TSC2: variants seen among roughly 807,000 people sequenced by gnomAD.
The protein encoded by TSC2 is tuberin.
TSC2 carries 29 observed loss-of-function variants against 202.2 expected under a neutral mutation model. The ratio of observed to expected loss-of-function variants is 0.14; its 90% CI spans 0.11 to 0.20. TSC2 has a LOEUF of 0.20. TSC2 is among the 10% of genes least tolerant of loss of function. The pLI, the probability that TSC2 is intolerant of heterozygous loss-of-function variation, is 1.00. For missense variants in TSC2, 2,429 were observed against 2,420.0 expected, an observed-to-expected ratio of 1.00 and a Z score of -0.08; for synonymous variants, 1,349 against 1,044.0, an observed-to-expected ratio of 1.29 and a Z score of -5.63.
Position 2,084,773 on chromosome 16 carries a change from C to G in TSC2, c.4493+58C>G, listed in dbSNP as rs947042734. On this transcript the variant is annotated intron_variant, in intron 34 of 41. Coordinates refer to ENST00000219476, the MANE Select transcript of TSC2 (RefSeq NM_000548.5). Reference sequence around the variant, plus strand: ...CACCTCTCCTGCGGGAACCTGGTGCCTCACTTGCCCCAGGCCGAGCGGGCT... The same window carrying G: ...CACCTCTCCTGCGGGAACCTGGTGCGTCACTTGCCCCAGGCCGAGCGGGCT... The G allele has an allele frequency of 1.9e-6, 3 of 1,598,412 alleles. No homozygotes were observed. The African/African-American group carries it at 4.0e-5, about 21-fold the overall frequency.
rs147206318 is a variant in TSC2 at position 2,048,626 on chromosome 16, C to T, written c.11C>T (p.Pro4Leu). Reference protein sequence around the residue: MAKPTSKDSGLKEK... With the variant: MAKLTSKDSGLKEK... Reference sequence around the variant, plus strand: ...GCGTCCTGGTCCACCATGGCCAAACCAACAAGCAAAGATTCAGGCTTGAAG... The same window carrying T: ...GCGTCCTGGTCCACCATGGCCAAACTAACAAGCAAAGATTCAGGCTTGAAG... The change falls in exon 2 of 42, where the codon CCA becomes CTA. Residue 4 changes from proline to leucine, a missense_variant. Coordinates refer to ENST00000219476, the MANE Select transcript of TSC2 (RefSeq NM_000548.5). The T allele has an allele frequency of 3.7e-6, 6 of 1,613,750 alleles. No individual in the cohort carries two copies. Among genetic ancestry groups the T allele is most frequent in the Non-Finnish European group, 5.1e-6 (6 of 1,180,046 alleles).
At chr16:2,073,371 G>A (rs1256533709) in intron 21 of TSC2, among the ~76,000 whole-genome samples, 1 of 152,234 alleles carries the variant, frequency 6.6e-6, no homozygotes, top group African/African-American at 2.4e-5. Flanking sequence ...GCCCCATCAG[G>A]TGCCGGAAAC....
chr16:2,056,297 G>A, intron 7 of TSC2, 53 bp downstream of exon 7: 2 of 1,611,132 alleles, frequency 1.2e-6, no homozygotes, highest in African/African-American at 1.3e-5. Flanking sequence ...TTTCTGGGAG[G>A]CTGGGGCTTG....
rs2089978360 is a variant in TSC2 at position 2,080,345 on chromosome 16, G to T, written c.3578G>T (p.Gly1193Val). Residue 1193 changes from glycine to valine, a missense_variant, in exon 30 of 42, where the codon GGC becomes GTC. Physicochemically the swap from Gly to Val is moderately radical, Grantham distance 109. Transcript: ENST00000219476. The stretch of plus-strand genomic sequence containing the variant: ...GCCTATGTGCCCCTGCTGACCCAGG[G>T]CTGGGCGGAGATCCTGGTCCGGAGG... ...LAAYVPLLTQ[G>V]WAEILVRRPT... 6.2e-7 allele frequency: 1 copy of T among 1,612,442 alleles called. No homozygotes were observed. The highest frequency in any genetic ancestry group is 1.3e-5 in the African/African-American group (1 of 75,048).
In TSC2 at chr16:2,079,072, G is replaced by A. The variant is rs1555510234; in HGVS notation, c.3007G>A (p.Ala1003Thr). 4.3e-6 allele frequency: 7 copies of A among 1,612,998 alleles called. No individual in the cohort carries two copies. Among genetic ancestry groups the A allele is most frequent in the Non-Finnish European group, 5.9e-6 (7 of 1,180,022 alleles). The change falls in exon 27 of 42, where the codon GCA becomes ACA. Residue 1003 changes from alanine to threonine, a missense_variant. Ala to Thr is a moderately conservative substitution (Grantham distance 58). Coordinates refer to ENST00000219476, the MANE Select transcript of TSC2 (RefSeq NM_000548.5). The surrounding 1 kb of genome is among the most constrained non-coding windows in gnomAD (Gnocchi z 4.6). ...CCTCACCAGTGCCAGCTTGGGGTCT[G>A]CAGATGAGAACTCCGTGGCCCAGGC... ...TSLTSASLGS[A>T]DENSVAQADD...
rs374002744 is a variant in TSC2 at position 2,071,425 on chromosome 16, G to A, written c.1840-85G>A. 517 of 1,414,620 alleles carry A rather than the reference G, an allele frequency of 3.7e-4. 1 individual carries two copies. The African/African-American group carries it at 6.6e-3, about 18-fold the overall frequency. 87.6% of individuals were successfully genotyped at this position (1,414,620 alleles called of 1,614,324 possible). A position where few individuals can be genotyped will look rare whatever the true frequency, so the allele number is the denominator to read the frequency against. On this transcript the variant is annotated intron_variant, in intron 17 of 41. Transcript: ENST00000219476. ...GCCTTTTCTGAGTGCCTGTGGTGCT[G>A]GACGTGGGTCTGAGCAGGTGGGACG...
At position 2,071,635 on chromosome 16, in the gene TSC2, A is replaced by G. The variant is rs1442266522; in HGVS notation, c.1946+19A>G. 1 of 1,612,738 alleles carries G rather than the reference A, an allele frequency of 6.2e-7. No homozygotes were observed. Among genetic ancestry groups the G allele is most frequent in the African/African-American group, 1.3e-5 (1 of 74,922 alleles). ...ACTACATGTACGCGGGACCTCGCCC[A>G]CGGCCCATGAGGCTCAGGGCGTCAG... On this transcript the variant is annotated intron_variant, in intron 18 of 41. Coordinates refer to ENST00000219476, the MANE Select transcript of TSC2 (RefSeq NM_000548.5).
chr16:2,085,899 C>T (rs895392697), intron 36 of TSC2, among the ~76,000 whole-genome samples: 2 of 152,092 alleles, frequency 1.3e-5, no homozygotes, highest in Admixed American at 1.3e-4. Context: ...TGATGGTTCC[C>T]GTGGGAGTGG....
At chr16:2,055,601 A>T in intron 6 of TSC2, 82 bp downstream of exon 6, 1 of 1,366,150 alleles carries the variant, frequency 7.3e-7, no homozygotes, top group South Asian at 1.2e-5. Flanking sequence ...CACCAAAAAA[A>T]TAGAGGTTGG....
At chr16:2,083,478 CG>C in intron 32 of TSC2, 1 of 767,278 alleles carries the variant, frequency 1.3e-6, no homozygotes, top group South Asian at 1.6e-5. Flanking sequence ...GCCCAACCCC[CG>C]GGCACTCATG....
rs1333170814 is a variant in TSC2 at position 2,079,882 on chromosome 16, G to A, written c.3397+213G>A. Among the ~76,000 whole-genome samples the A allele has an allele frequency of 6.6e-6, 1 of 152,214 alleles. No homozygotes were observed. The highest frequency in any genetic ancestry group is 2.4e-5 in the African/African-American group (1 of 41,456). On this transcript the variant is annotated intron_variant, in intron 29 of 41. Coordinates refer to ENST00000219476, the MANE Select transcript of TSC2 (RefSeq NM_000548.5). The surrounding 1 kb of genome is among the most constrained non-coding windows in gnomAD (Gnocchi z 4.6). ...GCTTGCTGCAGAGGGGCCTGCTCTG[G>A]GTGCTGGTGTTTCCTGCGGGTTTTC...
In TSC2 at chr16:2,088,614, C is replaced by G. The variant is rs368282661; in HGVS notation, c.*4C>G. ...GGACTTCACCGAGTTTGTGTGAGGC[C>G]GGGGCCCTCCCTCCTGCACTGGCCT... On this transcript the variant is annotated 3_prime_UTR_variant, in exon 42 of 42. Transcript: ENST00000219476. The G allele has an allele frequency of 1.2e-6, 2 of 1,600,326 alleles. No homozygotes were observed. Among genetic ancestry groups the G allele is most frequent in the South Asian group, 1.1e-5 (1 of 90,826 alleles).
At chr16:2,058,478 T>C (rs1210535377) in intron 9 of TSC2, among the ~76,000 whole-genome samples, 1 of 152,270 alleles carries the variant, frequency 6.6e-6, no homozygotes, top group African/African-American at 2.4e-5. Context: ...TGCGAGGCTG[T>C]GGGCCATCCC....
intron 4 of TSC2, 119 bp from the exon 5 acceptor site, chr16:2,054,177 C>T (rs1482266001): frequency 6.6e-7 from 1 of 1,525,820 alleles, no homozygotes; most frequent in South Asian, 1.1e-5. Flanking sequence ...CAGGGCGCCT[C>T]TGTGGGAAGG....
At chr16:2,077,257 G>A (rs551705839) in intron 25 of TSC2, 22 of 370,684 alleles carry the variant, frequency 5.9e-5, no homozygotes, top group African/African-American at 2.1e-4. Context: ...CCTGCCTTCC[G>A]CGGGTGGGTG....
At chr16:2,056,503 C>T in intron 7 of TSC2, 141 bp from the exon 8 acceptor site, 2 of 1,329,762 alleles carry the variant, frequency 1.5e-6, no homozygotes, top group East Asian at 2.5e-5. Context: ...CCCGCTTGCC[C>T]TGTGGCTTGG....
rs35501344 is a variant in TSC2, at chr16:2,056,664, C to T, written c.669C>T (p.Asp223=). Residue 223 remains aspartate (D), a synonymous_variant, in exon 8 of 42, where the codon GAC becomes GAT. Transcript: ENST00000219476. ...ACCAGGTCTCCCTGCAGGTGCTGGA[C>T]GCCGTGGTCTGCTACAACTGCCTGC... ...VDIEVSLQVL[D]AVVCYNCLPA... 2.4e-5 allele frequency: 39 copies of T among 1,611,636 alleles called. 1 individual carries two copies. The highest frequency in any genetic ancestry group is 1.2e-4 in the South Asian group (11 of 91,088).
chr16:2,084,632 C>T lies in TSC2; in HGVS notation c.4410C>T (p.Arg1470=), dbSNP rs539032553. The T allele has an allele frequency of 6.9e-6, 11 of 1,600,510 alleles. No individual in the cohort carries two copies. The African/African-American group carries it at 9.3e-5, about 14-fold the overall frequency. Residue 1470 remains arginine, a synonymous_variant, in exon 34 of 42, where the codon CGC becomes CGT. Coordinates refer to ENST00000219476, the MANE Select transcript of TSC2 (RefSeq NM_000548.5). ...CCATCTCCGACTCGGCCCCATCACGCAGGGGCAAGAGAGTAGAGAGGGACG... is the reference window on the plus strand; with the variant it reads ...CCATCTCCGACTCGGCCCCATCACGTAGGGGCAAGAGAGTAGAGAGGGACG... The part of the protein sequence containing the change: ...GYTISDSAPS[R]RGKRVERDAL...
chr16:2,069,351 C>G (rs1163452113), intron 16 of TSC2, among the ~76,000 whole-genome samples: 3 of 152,202 alleles, frequency 2.0e-5, no homozygotes, highest in Non-Finnish European at 4.4e-5. Flanking sequence ...GAGTCTCGCT[C>G]TGTCGCCCCA....
Sources: allele counts gnomAD v4.1 joint callset (sites outside exome capture counted in the v4.1 genomes callset), GRCh38; gene constraint gnomAD v4.1.1; non-coding constraint Gnocchi (gnomAD v3.1); transcripts MANE v1.5; gene names NCBI Gene and HGNC (gene_info 2026-07-23, HGNC 2026-07-21).